Variants in FHIT observed in about 807,000 individuals in gnomAD.
FHIT encodes bis(5'-adenosyl)-triphosphatase.
In FHIT, 19 loss-of-function variants were observed where a neutral mutation model predicts 17.9. The observed-to-expected ratio is 1.06, with a 90% confidence interval of 0.74 to 1.56. The LOEUF is 1.56. Ranked by LOEUF, FHIT falls within the 40% of genes most tolerant of loss-of-function variation. FHIT has a pLI of 0.00. For missense variants in FHIT, 248 were observed against 189.2 expected (o/e 1.31, Z -1.82); for synonymous variants, 81 against 69.7 (o/e 1.16, Z -0.81).
At chr3:60,082,976 C>G (rs540469526) in intron 5 of FHIT, among the ~76,000 whole-genome samples, 30 of 152,064 alleles carry the variant, frequency 2.0e-4, no homozygotes, top group Admixed American at 2.6e-4. Flanking sequence ...CGATTAGGCC[C>G]TACTTGTTAA....
chr3:60,194,931 C>T (rs575140413), intron 5 of FHIT, among the ~76,000 whole-genome samples: 4 of 152,154 alleles, frequency 2.6e-5, no homozygotes, highest in African/African-American at 9.6e-5. Flanking sequence ...CTTAGGAGGC[C>T]GAGGAGGGTG....
intron 5 of FHIT, among the ~76,000 whole-genome samples, chr3:60,085,442 T>G (rs1703455804): frequency 6.6e-6 from 1 of 152,136 alleles, no homozygotes; most frequent in Non-Finnish European, 1.5e-5. Flanking sequence ...CATCACTAAC[T>G]GATGCATGTG....
chr3:61,091,648 AG>A (rs1225016868), intron 2 of FHIT, among the ~76,000 whole-genome samples: 1 of 152,086 alleles, frequency 6.6e-6, no homozygotes, highest in Non-Finnish European at 1.5e-5. Flanking sequence ...AACTAAATGA[AG>A]CTTAGAACCA....
At chr3:60,927,248 G>T (rs7649524) in intron 3 of FHIT, among the ~76,000 whole-genome samples, 14 of 151,938 alleles carry the variant, frequency 9.2e-5, no homozygotes, top group Non-Finnish European at 2.1e-4. Flanking sequence ...TGATCTGCCC[G>T]CCTCGGCCTC....
chr3:60,025,041 AT>A (rs1700689190), intron 5 of FHIT, among the ~76,000 whole-genome samples: 1 of 152,166 alleles, frequency 6.6e-6, no homozygotes, highest in Non-Finnish European at 1.5e-5. Context: ...GACTTAACTA[AT>A]GGGGGCAAAA....
intron 5 of FHIT, among the ~76,000 whole-genome samples, chr3:60,222,802 G>A (rs537896373): frequency 2.6e-5 from 4 of 152,276 alleles, no homozygotes; most frequent in Admixed American, 1.3e-4. Context: ...TCAGGAGGCT[G>A]AGGCAGGAGA....
chr3:60,552,672 A>G (rs535356446), intron 4 of FHIT, among the ~76,000 whole-genome samples: 6 of 152,252 alleles, frequency 3.9e-5, no homozygotes, highest in African/African-American at 7.2e-5. Flanking sequence ...CCTCTTCCTG[A>G]TAAGTATTCA....
chr3:60,190,400 C>A (rs879905043), intron 5 of FHIT, among the ~76,000 whole-genome samples: 9 of 151,194 alleles, frequency 6.0e-5, no homozygotes, highest in Non-Finnish European at 1.2e-4. Flanking sequence ...TGGAAAAGAA[C>A]AAAGGTGATG....
chr3:60,780,473 G>A (rs1404581636), intron 4 of FHIT, among the ~76,000 whole-genome samples: 1 of 152,138 alleles, frequency 6.6e-6, no homozygotes, highest in Non-Finnish European at 1.5e-5. Context: ...CTGGCAAAAG[G>A]CCTCAGGATC....
intron 5 of FHIT, among the ~76,000 whole-genome samples, chr3:60,106,583 T>C (rs1421408609): frequency 1.3e-5 from 2 of 152,216 alleles, no homozygotes; most frequent in South Asian, 2.1e-4. Context: ...GGGTCTTTGA[T>C]TGTATCCCCT....
intron 2 of FHIT, among the ~76,000 whole-genome samples, chr3:61,059,418 T>C (rs1358531134): frequency 4.7e-5 from 7 of 148,650 alleles, no homozygotes; most frequent in African/African-American, 1.8e-4. Context: ...TGAGATAAAT[T>C]GAATACCCAT....
intron 5 of FHIT, among the ~76,000 whole-genome samples, chr3:60,333,257 A>G (rs572813158): frequency 3.3e-5 from 5 of 152,338 alleles, no homozygotes; most frequent in East Asian, 1.9e-4. Flanking sequence ...TTTAAAATCA[A>G]TTTAATTGTG....
intron 3 of FHIT, among the ~76,000 whole-genome samples, chr3:60,873,088 G>A (rs1209245260): frequency 1.3e-5 from 2 of 151,892 alleles, no homozygotes; most frequent in Non-Finnish European, 2.9e-5. Context: ...TGGGTTTTTT[G>A]TCTGTTTTTG....
chr3:59,756,313 C>A (rs1181369205), intron 8 of FHIT, among the ~76,000 whole-genome samples: 1 of 152,148 alleles, frequency 6.6e-6, no homozygotes, highest in African/African-American at 2.4e-5. Flanking sequence ...AAATGTACCT[C>A]CTTCAGCTCT....
At chr3:59,869,410 C>T (rs1395286601) in intron 8 of FHIT, among the ~76,000 whole-genome samples, 3 of 151,708 alleles carry the variant, frequency 2.0e-5, no homozygotes, top group African/African-American at 7.3e-5. Flanking sequence ...CCATCCTTCA[C>T]TGAGTTGTAT....
At chr3:60,356,083 A>G (rs1264189873) in intron 5 of FHIT, among the ~76,000 whole-genome samples, 1 of 152,232 alleles carries the variant, frequency 6.6e-6, no homozygotes, top group Non-Finnish European at 1.5e-5. Flanking sequence ...AAAGAACTTG[A>G]CAATTATTAG....
At chr3:60,135,493 C>A (rs9881474) in intron 5 of FHIT, among the ~76,000 whole-genome samples, 1 of 151,986 alleles carries the variant, frequency 6.6e-6, no homozygotes, top group African/African-American at 2.4e-5. Context: ...TTTACTTGAA[C>A]AGCTGCAACC....
intron 3 of FHIT, among the ~76,000 whole-genome samples, chr3:60,839,208 A>AT (rs1448199470): frequency 2.6e-5 from 4 of 152,198 alleles, no homozygotes; most frequent in Admixed American, 1.3e-4. Context: ...GATTGCTACT[A>AT]TAACACTCTT....
Position 60,890,122 on chromosome 3 carries a change from T to C in FHIT, c.-110-68111A>G, listed in dbSNP as rs150526625. Among the ~76,000 whole-genome samples the C allele has an allele frequency of 3.1e-3, 474 of 151,628 alleles. 3 individuals carry two copies. Among genetic ancestry groups the C allele is most frequent in the African/African-American group, 0.011 (446 of 41,206 alleles). On this transcript the variant is annotated intron_variant, in intron 3 of 9. Transcript: ENST00000492590. The stretch of plus-strand genomic sequence containing the variant: ...TGGTTTTCTGACTTGCTATGGCCCA[T>C]TGAGTGCACAGATGTCACAGTGTTC...
Sources: allele counts gnomAD v4.1 joint callset (sites outside exome capture counted in the v4.1 genomes callset), GRCh38; gene constraint gnomAD v4.1.1; transcripts MANE v1.5; gene names NCBI Gene and HGNC (gene_info 2026-07-23, HGNC 2026-07-21).